The following TBCK variants were observed in gnomAD, a reference collection of about 807,000 sequenced individuals.
The protein encoded by TBCK is TBC1 domain containing kinase, also known as TBC domain-containing protein kinase-like protein.
A neutral mutation model predicts 113.4 loss-of-function variants in TBCK; 99 were observed. The ratio of observed to expected loss-of-function variants is 0.87; its 90% CI spans 0.74 to 1.03. TBCK has a LOEUF of 1.03. Among genes scored for constraint, TBCK ranks in the 50% least tolerant of loss-of-function variants. TBCK has a pLI of 0.00. For missense variants in TBCK, 1,045 were observed against 1,061.3 expected (o/e 0.98, Z 0.21); for synonymous variants, 369 against 370.8 (o/e 1.00, Z 0.05).
At chr4:106,166,220 A>G (rs1026654542) in intron 23 of TBCK, among the ~76,000 whole-genome samples, 1 of 151,834 alleles carries the variant, frequency 6.6e-6, no homozygotes, top group Middle Eastern at 3.4e-3. Flanking sequence ...TTCAGATAAA[A>G]AAGAACAAAA....
chr4:106,316,440 A>G, upstream of TBCK: 1 of 1,114,118 alleles, frequency 9.0e-7, no homozygotes, highest in Non-Finnish European at 1.3e-6. Flanking sequence ...GAGCACAGGA[A>G]GAGGAAGAAA....
rs1359521795 is a variant in TBCK at position 106,043,635 on chromosome 4, T to C, written c.*2935A>G. On this transcript the variant is annotated 3_prime_UTR_variant, in exon 26 of 26. Coordinates refer to ENST00000394708, the MANE Select transcript of TBCK (RefSeq NM_001163435.3). ...ATTATGAATGGAATGCTTTAGTAGA[T>C]TTGGGGCTCTTAGTGCAGCATGGGG... 6 of 152,114 alleles carry C rather than the reference T, an allele frequency of 3.9e-5. No individual in the cohort carries two copies. The highest frequency in any genetic ancestry group is 7.2e-5 in the African/African-American group (3 of 41,420). 9.4% of individuals were successfully genotyped at this position (152,114 alleles called of 1,614,324 possible).
chr4:106,087,089 C>T (rs1260150952), intron 25 of TBCK, among the ~76,000 whole-genome samples: 1 of 152,114 alleles, frequency 6.6e-6, no homozygotes, highest in Non-Finnish European at 1.5e-5. Context: ...CCAGGGAAAT[C>T]AGGCAAGAGA....
chr4:106,235,563 A>C (rs568734019), intron 14 of TBCK, among the ~76,000 whole-genome samples, 196 bp from the exon 15 acceptor site: 2 of 151,446 alleles, frequency 1.3e-5, no homozygotes, highest in East Asian at 3.9e-4. Flanking sequence ...ACCTTGAAAA[A>C]CTCGTATTAT....
At chr4:106,065,098 CAAAAT>C (rs1283629463) in intron 25 of TBCK, among the ~76,000 whole-genome samples, 1 of 151,830 alleles carries the variant, frequency 6.6e-6, no homozygotes, top group African/African-American at 2.4e-5. Context: ...TGATTAATGT[CAAAAT>C]AAAAATTCTC....
chr4:106,129,820 T>C (rs536271813), intron 23 of TBCK, among the ~76,000 whole-genome samples: 34 of 152,336 alleles, frequency 2.2e-4, no homozygotes, highest in Admixed American at 8.5e-4. Flanking sequence ...CTTTCTGCCC[T>C]ATGTGGCAAC....
chr4:106,237,889 TTAAG>T (rs1443556124), intron 12 of TBCK, among the ~76,000 whole-genome samples: 1 of 151,742 alleles, frequency 6.6e-6, no homozygotes, highest in Non-Finnish European at 1.5e-5. Context: ...TTTTATCTAA[TTAAG>T]TATCTTGTCT....
chr4:106,233,924 T>C (rs1759161831), intron 15 of TBCK, among the ~76,000 whole-genome samples: 1 of 152,066 alleles, frequency 6.6e-6, no homozygotes, highest in Non-Finnish European at 1.5e-5. Context: ...ATTAATTACT[T>C]AGCTAGTAAG....
intron 7 of TBCK, 47 bp downstream of exon 7, chr4:106,250,371 G>A (rs750892298): frequency 7.2e-6 from 9 of 1,250,284 alleles, no homozygotes; most frequent in Non-Finnish European, 2.3e-6. Context: ...ATTACTAATA[G>A]TAAGTTATAT....
At chr4:106,193,840 T>A in intron 21 of TBCK, 70 bp from the exon 22 acceptor site, 1 of 1,015,614 alleles carries the variant, frequency 9.8e-7, no homozygotes, top group South Asian at 1.9e-5. Context: ...CAACTTACTT[T>A]ACTAGTTCTA....
In TBCK at chr4:106,042,841, C is replaced by A. The variant is rs1733943339; in HGVS notation, c.*3729G>T. On this transcript the variant is annotated 3_prime_UTR_variant, in exon 26 of 26. Coordinates refer to ENST00000394708, the MANE Select transcript of TBCK (RefSeq NM_001163435.3). ...TTACCCCAGACTTTCCACTGAACAA[C>A]TCTGTCTGTAACAGATTTTTCTTCC... 3.4e-5 allele frequency: 4 copies of A among 116,350 alleles called. No homozygotes were observed. In the South Asian group the frequency reaches 1.4e-3, roughly 41 times the overall value. The allele number at this position is 116,350 out of a possible 1,614,324, so 7.2% of individuals were successfully genotyped here.
At chr4:106,151,213 C>G (rs1249991891) in intron 23 of TBCK, among the ~76,000 whole-genome samples, 1 of 151,976 alleles carries the variant, frequency 6.6e-6, no homozygotes, top group Non-Finnish European at 1.5e-5. Context: ...TCTAATTATA[C>G]ACTTCTAGTT....
chr4:106,311,324 C>T (rs1768174714), intron 1 of TBCK, among the ~76,000 whole-genome samples: 2 of 151,048 alleles, frequency 1.3e-5, no homozygotes, highest in Non-Finnish European at 2.9e-5. Flanking sequence ...TTTAAATGTC[C>T]AATGGTAGGT....
intron 23 of TBCK, among the ~76,000 whole-genome samples, chr4:106,146,047 T>C (rs62321372): frequency 0.077 from 11,660 of 152,148 alleles, 511 homozygotes; most frequent in Middle Eastern, 0.18. Flanking sequence ...TTACTGAGTA[T>C]ATACCCAGAA....
intron 11 of TBCK, 96 bp from the exon 12 acceptor site, chr4:106,242,665 CA>C: frequency 1.4e-6 from 1 of 701,730 alleles, no homozygotes. Flanking sequence ...ATCCCTTCAT[CA>C]AAAAAGAATT....
At chr4:106,261,234 T>A (rs1762475091) in intron 4 of TBCK, among the ~76,000 whole-genome samples, 1 of 152,082 alleles carries the variant, frequency 6.6e-6, no homozygotes, top group Admixed American at 6.6e-5. Context: ...TAATGATTCT[T>A]TACTGCCATA....
chr4:106,125,589 T>C (rs1237607160), intron 23 of TBCK, among the ~76,000 whole-genome samples: 1 of 152,070 alleles, frequency 6.6e-6, no homozygotes, highest in Non-Finnish European at 1.5e-5. Flanking sequence ...TCATGTTAAG[T>C]GAAATAAGCC....
chr4:106,262,307 G>A, intron 3 of TBCK, 95 bp from the exon 4 acceptor site: 1 of 605,176 alleles, frequency 1.7e-6, no homozygotes, highest in South Asian at 2.4e-5. Context: ...TATTCAAAAA[G>A]TTATATTTTT....
chr4:106,238,351 A>G (rs76805843), intron 12 of TBCK, among the ~76,000 whole-genome samples: 9,429 of 152,194 alleles, frequency 0.062, 345 homozygotes, highest in Non-Finnish European at 0.082. Context: ...CTCCTACTAT[A>G]TAACATGTAA....
Sources: allele counts gnomAD v4.1 joint callset (sites outside exome capture counted in the v4.1 genomes callset), GRCh38; gene constraint gnomAD v4.1.1; transcripts MANE v1.5; gene names NCBI Gene and HGNC (gene_info 2026-07-23, HGNC 2026-07-21).